The following MGA variants were observed in gnomAD, a reference collection of about 807,000 sequenced individuals.
The protein encoded by MGA is MAX gene-associated protein.
In MGA, 40 loss-of-function variants were observed where a neutral mutation model predicts 261.1. The observed-to-expected ratio is 0.15, with a 90% CI of 0.12 to 0.20. MGA has a LOEUF of 0.20. Ranked by LOEUF, MGA falls within the 10% of genes least tolerant of loss-of-function variation. The pLI is 1.00. For synonymous variants in MGA, 1,302 were observed against 1,290.6 expected, an observed-to-expected ratio of 1.01 and a Z score of -0.19; for missense variants, 3,397 against 3,630.5, an observed-to-expected ratio of 0.94 and a Z score of 1.65.
chr15:41,621,422 G>C (rs1595523791), intron 1 of MGA: 1 of 152,282 alleles, frequency 6.6e-6, no homozygotes, highest in Admixed American at 6.5e-5. Context: ...CGAACGACTC[G>C]GCGCCGCTTC....
intron 2 of MGA, among the ~76,000 whole-genome samples, chr15:41,687,631 TG>T (rs1261791696): frequency 1.3e-5 from 2 of 152,236 alleles, no homozygotes; most frequent in African/African-American, 4.8e-5. Context: ...ACATTTGGTA[TG>T]TTGATAAGTT....
chr15:41,673,960 C>T (rs1314361966), intron 2 of MGA, among the ~76,000 whole-genome samples: 6 of 152,108 alleles, frequency 3.9e-5, no homozygotes, highest in Middle Eastern at 3.4e-3. Context: ...GGCGCGATCT[C>T]GACTCACGGA....
In MGA at chr15:41,625,076, G is replaced by A. The variant is rs1378684542; in HGVS notation, c.-68+3778G>A. Among the ~76,000 whole-genome samples the A allele has an allele frequency of 2.6e-5, 4 of 152,124 alleles. No individual in the cohort carries two copies. The South Asian group carries it at 6.2e-4, about 24-fold the overall frequency. On this transcript the variant is annotated intron_variant, in intron 1 of 8. Coordinates refer to the MGA transcript ENST00000566718. ...GAAGATCACTTGACCTCAGGAGTTC[G>A]AGGCTGCAATGAGCTGTGACGTGTC...
intron 5 of MGA, among the ~76,000 whole-genome samples, chr15:41,701,471 G>A (rs1487824334): frequency 6.6e-6 from 1 of 152,038 alleles, no homozygotes; most frequent in Non-Finnish European, 1.5e-5. Context: ...ATTTGTAATC[G>A]TTTCCTTAAT....
intron 2 of MGA, chr15:41,691,636 A>G (rs1489800803): frequency 1.9e-6 from 1 of 519,380 alleles, no homozygotes; most frequent in Non-Finnish European, 4.0e-6. Context: ...ATGCAATCTG[A>G]ATGATCTCAG....
intron 2 of MGA, among the ~76,000 whole-genome samples, chr15:41,687,706 A>C (rs956280858): frequency 2.0e-4 from 30 of 152,234 alleles, no homozygotes; most frequent in African/African-American, 7.0e-4. Flanking sequence ...ACCTTTGGAA[A>C]TTATCAAGGG....
At chr15:41,641,081 GA>G (rs1439186981) in intron 1 of MGA, among the ~76,000 whole-genome samples, 3 of 152,124 alleles carry the variant, frequency 2.0e-5, no homozygotes, top group Non-Finnish European at 4.4e-5. Context: ...CATATAAATG[GA>G]ATCATACAAA....
At chr15:41,745,645 T>C (rs995893587) in intron 15 of MGA, among the ~76,000 whole-genome samples, 19 of 152,142 alleles carry the variant, frequency 1.2e-4, no homozygotes, top group African/African-American at 4.6e-4. Context: ...TGCCCTGTCA[T>C]CCTGGTTGGA....
intron 1 of MGA, among the ~76,000 whole-genome samples, chr15:41,624,666 C>T (rs919148235): frequency 1.6e-4 from 24 of 152,108 alleles, no homozygotes; most frequent in Non-Finnish European, 1.0e-4. Context: ...GACGGGGTTT[C>T]ACCATGTTGG....
intron 1 of MGA, among the ~76,000 whole-genome samples, chr15:41,667,493 T>C (rs891682625): frequency 9.9e-5 from 15 of 151,964 alleles, no homozygotes; most frequent in African/African-American, 3.1e-4. Context: ...TGATCTGACC[T>C]CCTTGGCCTC....
chr15:41,740,882 T>C (rs1222368967), intron 14 of MGA, among the ~76,000 whole-genome samples: 1 of 152,224 alleles, frequency 6.6e-6, no homozygotes, highest in Non-Finnish European at 1.5e-5. Context: ...CTGTAATAAA[T>C]TACCTTCTTG....
chr15:41,678,029 T>G (rs1032459970), intron 2 of MGA, among the ~76,000 whole-genome samples: 1 of 152,126 alleles, frequency 6.6e-6, no homozygotes, highest in Non-Finnish European at 1.5e-5. Flanking sequence ...GTTTCCCTTA[T>G]GTTTCTTACT....
At chr15:41,694,100 G>A (rs2059426814) in intron 2 of MGA, among the ~76,000 whole-genome samples, 1 of 151,984 alleles carries the variant, frequency 6.6e-6, no homozygotes, top group Admixed American at 6.6e-5. Flanking sequence ...CACTATTAAT[G>A]GAAACCTACC....
chr15:41,758,415 G>A (rs1471743566), intron 19 of MGA, among the ~76,000 whole-genome samples: 2 of 152,066 alleles, frequency 1.3e-5, no homozygotes, highest in African/African-American at 4.8e-5. Flanking sequence ...GGGTTGGGTT[G>A]AAGTAGAGGG....
At chr15:41,718,189 G>A (rs530123391) in intron 9 of MGA, among the ~76,000 whole-genome samples, 1 of 151,338 alleles carries the variant, frequency 6.6e-6, no homozygotes, top group East Asian at 1.9e-4. Flanking sequence ...ATTAGTGAAT[G>A]TGGTTAAATT....
At chr15:41,681,443 T>G (rs1006877392) in intron 2 of MGA, among the ~76,000 whole-genome samples, 1 of 152,042 alleles carries the variant, frequency 6.6e-6, no homozygotes, top group African/African-American at 2.4e-5. Context: ...ATCATAATTT[T>G]TGGTCAACTA....
chr15:41,638,600 C>T (rs2056756931), intron 1 of MGA, among the ~76,000 whole-genome samples: 1 of 151,794 alleles, frequency 6.6e-6, no homozygotes, highest in African/African-American at 2.4e-5. Context: ...TCTTGAACTC[C>T]TGGGCTTAAG....
chr15:41,629,010 C>T (rs931057872), intron 1 of MGA, among the ~76,000 whole-genome samples: 7 of 148,076 alleles, frequency 4.7e-5, no homozygotes, highest in African/African-American at 1.7e-4. Flanking sequence ...GCCATGGTGG[C>T]GGGCGCCTGT....
At chr15:41,661,343 C>T (rs933156371) in intron 1 of MGA, among the ~76,000 whole-genome samples, 5 of 148,464 alleles carry the variant, frequency 3.4e-5, no homozygotes, top group African/African-American at 1.3e-4. Context: ...CACCCCCCCA[C>T]CGCCCCCCCA....
Sources: allele counts gnomAD v4.1 joint callset (sites outside exome capture counted in the v4.1 genomes callset), GRCh38; gene constraint gnomAD v4.1.1; transcripts MANE v1.5; gene names NCBI Gene and HGNC (gene_info 2026-07-23, HGNC 2026-07-21).